Variants in PHIP observed in about 807,000 individuals in gnomAD.
PHIP encodes the protein PH-interacting protein.
In PHIP, 54 loss-of-function variants were observed where a neutral mutation model predicts 236.8. The ratio of observed to expected loss-of-function variants is 0.23; its 90% CI spans 0.18 to 0.29. The LOEUF (loss-of-function observed/expected upper bound fraction) is 0.29, where lower values mean the gene tolerates loss of function less well. Ranked by LOEUF, PHIP falls within the 10% of genes least tolerant of loss-of-function variation. The pLI, the probability that PHIP is intolerant of heterozygous loss-of-function variation, is 1.00. For synonymous variants in PHIP, 756 were observed against 718.9 expected (o/e 1.05, Z -0.83); for missense variants, 1,370 against 2,190.8 (o/e 0.63, Z 7.48).
chr6:78,958,445 A>C (rs1766568657), intron 32 of PHIP, 30 bp downstream of exon 32: 1 of 1,253,946 alleles, frequency 8.0e-7, no homozygotes, highest in Admixed American at 1.8e-5. Context: ...TATTAAAACT[A>C]TCATAATTAC....
intron 7 of PHIP, among the ~76,000 whole-genome samples, chr6:79,029,478 T>C (rs1771559143): frequency 6.6e-6 from 1 of 152,190 alleles, no homozygotes; most frequent in East Asian, 1.9e-4. Context: ...AAATTAAATG[T>C]ATTGGGAAAA....
At chr6:78,953,274 G>A (rs938118201) in intron 35 of PHIP, among the ~76,000 whole-genome samples, 7 of 151,928 alleles carry the variant, frequency 4.6e-5, no homozygotes, top group Admixed American at 6.6e-5. Context: ...TCTGGTTTAG[G>A]GTTGGGTTTC....
intron 35 of PHIP, among the ~76,000 whole-genome samples, chr6:78,948,827 A>G (rs141780829): frequency 4.6e-5 from 7 of 152,254 alleles, no homozygotes; most frequent in African/African-American, 2.4e-5. Context: ...GTATGCGACT[A>G]TATTTTTTGA....
At chr6:78,973,337 T>C (rs1478482978) in intron 24 of PHIP, among the ~76,000 whole-genome samples, 1 of 150,658 alleles carries the variant, frequency 6.6e-6, no homozygotes, top group Non-Finnish European at 1.5e-5. Flanking sequence ...TGAGAGATTT[T>C]GTCACCACCA....
At position 78,947,766 on chromosome 6, in the gene PHIP, C is replaced by G. The variant is rs749705633; in HGVS notation, c.4063G>C (p.Asp1355His). 6.2e-7 allele frequency: 1 copy of G among 1,606,936 alleles called. No homozygotes were observed. The highest frequency in any genetic ancestry group is 8.5e-7 in the Non-Finnish European group (1 of 1,174,634). Residue 1355 changes from aspartate to histidine, a missense_variant, in exon 36 of 40, where the codon GAC becomes CAC. Transcript: ENST00000275034. ...VDLLEYPDYR[D>H]IIDTPMDFAT... The stretch of plus-strand genomic sequence containing the variant: ...AAATCCATTGGAGTGTCAATGATGT[C>G]TCTGTAGTCCTAGGAGAGGGAAAAC...
intron 35 of PHIP, among the ~76,000 whole-genome samples, chr6:78,954,586 T>C (rs996940462): frequency 6.6e-6 from 1 of 152,040 alleles, no homozygotes; most frequent in African/African-American, 2.4e-5. Flanking sequence ...GCACAACTAG[T>C]AGGAACAGAA....
chr6:78,989,561 C>T (rs1769082070), intron 20 of PHIP, among the ~76,000 whole-genome samples: 1 of 152,182 alleles, frequency 6.6e-6, no homozygotes, highest in South Asian at 2.1e-4. Context: ...TGATAGCCAG[C>T]TGACCACATA....
At chr6:78,945,195 T>A in intron 39 of PHIP, 105 bp downstream of exon 39, 1 of 838,160 alleles carries the variant, frequency 1.2e-6, no homozygotes, top group South Asian at 1.6e-5. Flanking sequence ...GATGTGTGAC[T>A]TTTAAGTGGG....
intron 8 of PHIP, 44 bp downstream of exon 8, chr6:79,025,899 T>C: frequency 7.5e-7 from 1 of 1,340,818 alleles, no homozygotes; most frequent in South Asian, 1.2e-5. Flanking sequence ...CTTTACATTA[T>C]AACAACAACA....
intron 7 of PHIP, among the ~76,000 whole-genome samples, chr6:79,034,752 T>G (rs1479181523): frequency 6.6e-6 from 1 of 152,112 alleles, no homozygotes; most frequent in Non-Finnish European, 1.5e-5. Context: ...AGTAGACAAT[T>G]AGAGAGGACA....
At chr6:79,059,818 G>A (rs1773275722) in intron 6 of PHIP, among the ~76,000 whole-genome samples, 1 of 151,522 alleles carries the variant, frequency 6.6e-6, no homozygotes, top group African/African-American at 2.4e-5. Flanking sequence ...CTTAGAGAAA[G>A]TACAACACTA....
chr6:79,017,594 T>TG lies in PHIP; in HGVS notation c.995-12_995-11insC. 6.4e-7 allele frequency: 1 copy of TG among 1,566,050 alleles called. No homozygotes were observed. The highest frequency in any genetic ancestry group is 8.8e-7 in the Non-Finnish European group (1 of 1,138,264). ...CCAGAAACATTCCACCTATGAAGAA[T>TG]AACAGCAATTGTTAAGAAGTAAAAC... On this transcript the variant is annotated splice_polypyrimidine_tract_variant and intron_variant, in intron 10 of 39. Transcript: ENST00000275034.
intron 19 of PHIP, among the ~76,000 whole-genome samples, chr6:78,994,661 C>A (rs1388823653): frequency 1.3e-5 from 2 of 152,148 alleles, no homozygotes; most frequent in Non-Finnish European, 2.9e-5. Context: ...GAAATAAGTT[C>A]CACACAGAAA....
intron 24 of PHIP, among the ~76,000 whole-genome samples, chr6:78,974,531 C>A (rs990394521): frequency 6.6e-6 from 1 of 151,624 alleles, no homozygotes; most frequent in African/African-American, 2.4e-5. Flanking sequence ...AAGATCAGAG[C>A]AGAACTGAAG....
At chr6:79,056,486 G>T (rs9969106) in intron 6 of PHIP, among the ~76,000 whole-genome samples, 16,108 of 152,112 alleles carry the variant, frequency 0.11, 885 homozygotes, top group Middle Eastern at 0.19. Context: ...AAAGGAGGAG[G>T]CATGACATGG....
In PHIP at chr6:78,946,517, A is replaced by C. The variant is rs1303772808; in HGVS notation, c.4370+194T>G. 2.9e-6 allele frequency: 4 copies of C among 1,385,032 alleles called. No individual in the cohort carries two copies. The East Asian group carries it at 1.1e-4, about 37-fold the overall frequency. 85.8% of individuals were successfully genotyped at this position (1,385,032 alleles called of 1,614,324 possible). A position where few individuals can be genotyped will look rare whatever the true frequency, so the allele number is the denominator to read the frequency against. On this transcript the variant is annotated intron_variant, in intron 37 of 39. Coordinates refer to ENST00000275034, the MANE Select transcript of PHIP (RefSeq NM_017934.7). ...TGCTGTTTTACTGTATAGATTTAGCAGTTTGAATTTAAGCACTTACACTAG... is the reference window on the plus strand; with the variant it reads ...TGCTGTTTTACTGTATAGATTTAGCCGTTTGAATTTAAGCACTTACACTAG...
intron 15 of PHIP, among the ~76,000 whole-genome samples, chr6:79,012,608 A>G (rs1369343808): frequency 2.0e-5 from 3 of 151,766 alleles, no homozygotes; most frequent in Non-Finnish European, 4.4e-5. Context: ...TTTGTATGCA[A>G]TCAAGTATCG....
At chr6:79,001,387 A>G (rs981782073) in intron 17 of PHIP, among the ~76,000 whole-genome samples, 2 of 152,094 alleles carry the variant, frequency 1.3e-5, no homozygotes, top group Admixed American at 1.3e-4. Context: ...TTTTTAAAAC[A>G]TCTTCAATGT....
intron 33 of PHIP, 63 bp downstream of exon 33, chr6:78,955,550 C>T (rs565571537): frequency 1.8e-5 from 11 of 613,204 alleles, no homozygotes; most frequent in South Asian, 4.3e-5. Context: ...CTGAAAACTA[C>T]AATATGTAAA....
Sources: allele counts gnomAD v4.1 joint callset (sites outside exome capture counted in the v4.1 genomes callset), GRCh38; gene constraint gnomAD v4.1.1; transcripts MANE v1.5; gene names NCBI Gene and HGNC (gene_info 2026-07-23, HGNC 2026-07-21).